Variants in EPHA6 observed in about 807,000 individuals in gnomAD.
EPHA6 encodes ephrin type-A receptor 6.
Under a neutral mutation model 112.0 loss-of-function variants are expected in EPHA6, and 50 were observed. That is an observed-to-expected ratio of 0.45 (90% CI 0.36 to 0.56). EPHA6 has a LOEUF of 0.56. Ranked by LOEUF, EPHA6 falls within the 20% of genes least tolerant of loss-of-function variation. The probability of loss-of-function intolerance (pLI) is 0.00; values close to 1 mark genes in which losing one functional copy is unlikely to be tolerated. For synonymous variants in EPHA6, 529 were observed against 490.7 expected, an observed-to-expected ratio of 1.08 and a Z score of -1.03; for missense variants, 1,280 against 1,417.4, an observed-to-expected ratio of 0.90 and a Z score of 1.56.
intron 13 of EPHA6, among the ~76,000 whole-genome samples, chr3:97,612,187 T>G (rs150080477): frequency 2.4e-4 from 37 of 152,200 alleles, no homozygotes; most frequent in African/African-American, 7.5e-4. Flanking sequence ...TTTAGAATAA[T>G]TTACAGGACC....
chr3:97,614,974 A>G (rs1016312170), intron 13 of EPHA6, among the ~76,000 whole-genome samples: 1 of 152,178 alleles, frequency 6.6e-6, no homozygotes, highest in Non-Finnish European at 1.5e-5. Flanking sequence ...GGGGACCAAG[A>G]TGGCTGACTA....
At chr3:96,882,399 A>G (rs1245883222) in intron 2 of EPHA6, among the ~76,000 whole-genome samples, 1 of 152,116 alleles carries the variant, frequency 6.6e-6, no homozygotes, top group Admixed American at 6.6e-5. Context: ...ATTTGGTTAC[A>G]TGCATGAGTA....
chr3:97,237,955 C>A lies in EPHA6; in HGVS notation c.1271-5997C>A, dbSNP rs376626560. Among the ~76,000 whole-genome samples, 84 of 151,958 alleles carry A rather than the reference C, an allele frequency of 5.5e-4. 1 individual carries two copies. In the South Asian group the frequency reaches 0.017, roughly 31 times the overall value. ...ATTTGTGTGATTATGTTTACTTTTACTATTGATCTGCATATCTATAATACA... is the reference window on the plus strand; with the variant it reads ...ATTTGTGTGATTATGTTTACTTTTAATATTGATCTGCATATCTATAATACA... On this transcript the variant is annotated intron_variant, in intron 4 of 17. Coordinates refer to ENST00000389672, the MANE Select transcript of EPHA6 (RefSeq NM_001080448.3).
chr3:97,246,897 G>T (rs1439028714), intron 5 of EPHA6, among the ~76,000 whole-genome samples: 1 of 151,914 alleles, frequency 6.6e-6, no homozygotes, highest in Non-Finnish European at 1.5e-5. Flanking sequence ...TATTCAATCT[G>T]TGGATGTATC....
At chr3:97,330,455 G>C (rs1416038269) in intron 5 of EPHA6, among the ~76,000 whole-genome samples, 1 of 152,100 alleles carries the variant, frequency 6.6e-6, no homozygotes, top group African/African-American at 2.4e-5. Flanking sequence ...CATGAGCATG[G>C]AATGTTCTTC....
Position 97,676,404 on chromosome 3 carries a change from G to A in EPHA6, c.2784+38322G>A, listed in dbSNP as rs571505687. ...GACCATTTGATTTAGCAACAAGAAC[G>A]TCATTGATGTATTTGAAGGCATAGA... On this transcript the variant is annotated intron_variant, in intron 14 of 17. Transcript: ENST00000389672. Among the ~76,000 whole-genome samples, 8 of 152,256 alleles carry A rather than the reference G, an allele frequency of 5.3e-5. No homozygotes were observed. In the East Asian group the frequency reaches 7.7e-4, roughly 15 times the overall value.
At chr3:97,154,398 T>C (rs2076242863) in intron 3 of EPHA6, among the ~76,000 whole-genome samples, 1 of 152,218 alleles carries the variant, frequency 6.6e-6, no homozygotes, top group Admixed American at 6.5e-5. Context: ...TACAAAGCGA[T>C]GTTTTGGTAT....
At chr3:96,816,820 A>G (rs1195009687) in intron 1 of EPHA6, among the ~76,000 whole-genome samples, 7 of 152,064 alleles carry the variant, frequency 4.6e-5, no homozygotes, top group African/African-American at 1.7e-4. Flanking sequence ...TCAGACATTC[A>G]TAGTAAATTT....
intron 3 of EPHA6, among the ~76,000 whole-genome samples, chr3:97,158,046 A>G (rs931874755): frequency 6.6e-6 from 1 of 152,174 alleles, no homozygotes; most frequent in African/African-American, 2.4e-5. Context: ...TAACAAGGTC[A>G]TGTTTCCTCC....
At chr3:97,682,646 C>T (rs2031952644) in intron 14 of EPHA6, among the ~76,000 whole-genome samples, 2 of 152,136 alleles carry the variant, frequency 1.3e-5, no homozygotes, top group South Asian at 4.2e-4. Flanking sequence ...CATTTGTGCT[C>T]AATTGAGGGT....
At chr3:96,942,249 G>A (rs1423088354) in intron 2 of EPHA6, among the ~76,000 whole-genome samples, 1 of 152,196 alleles carries the variant, frequency 6.6e-6, no homozygotes, top group Non-Finnish European at 1.5e-5. Flanking sequence ...TCCTTTAGCT[G>A]TGGTGGGCTC....
At chr3:97,174,979 T>C (rs2076797088) in intron 3 of EPHA6, among the ~76,000 whole-genome samples, 1 of 151,946 alleles carries the variant, frequency 6.6e-6, no homozygotes, top group Admixed American at 6.6e-5. Flanking sequence ...CCCAGACCAA[T>C]ATCCTGGAGA....
intron 14 of EPHA6, among the ~76,000 whole-genome samples, chr3:97,714,316 A>G (rs1423061545): frequency 6.6e-6 from 1 of 152,258 alleles, no homozygotes; most frequent in African/African-American, 2.4e-5. Flanking sequence ...AATGTTATCT[A>G]GAAGCCAAAA....
intron 11 of EPHA6, among the ~76,000 whole-genome samples, chr3:97,568,702 A>C (rs554293307): frequency 1.3e-5 from 2 of 152,232 alleles, no homozygotes; most frequent in South Asian, 4.1e-4. Flanking sequence ...CTACTCAAAT[A>C]TCTACTGTTA....
intron 11 of EPHA6, among the ~76,000 whole-genome samples, chr3:97,561,563 A>AT (rs2093192993): frequency 6.6e-6 from 1 of 152,050 alleles, no homozygotes; most frequent in Admixed American, 6.6e-5. Flanking sequence ...GCTACCAGAG[A>AT]TTGCTTTATG....
At position 97,449,643 on chromosome 3, in the gene EPHA6, T is replaced by A. The variant is rs188108714; in HGVS notation, c.1894+913T>A. ...AGTATTATTTTTGTAATTTTACCTA[T>A]AAGAAAATAGAAACCTAAAGGAGTT... On this transcript the variant is annotated intron_variant, in intron 7 of 17. Transcript: ENST00000389672. Among the ~76,000 whole-genome samples the A allele has an allele frequency of 1.2e-4, 18 of 152,188 alleles. No homozygotes were observed. In the East Asian group the frequency reaches 3.1e-3, roughly 26 times the overall value.
intron 6 of EPHA6, among the ~76,000 whole-genome samples, chr3:97,428,866 A>T (rs1283584669): frequency 6.6e-6 from 1 of 152,102 alleles, no homozygotes; most frequent in Non-Finnish European, 1.5e-5. Context: ...CCTGGCCAAG[A>T]CTTTCTCAGG....
chr3:97,112,940 G>T (rs2047768333), intron 3 of EPHA6, among the ~76,000 whole-genome samples: 1 of 151,908 alleles, frequency 6.6e-6, no homozygotes, highest in Non-Finnish European at 1.5e-5. Flanking sequence ...TTTCTATCAG[G>T]TCATGTTTGT....
chr3:97,432,484 G>A (rs1430432749), intron 6 of EPHA6, among the ~76,000 whole-genome samples: 1 of 152,118 alleles, frequency 6.6e-6, no homozygotes, highest in Non-Finnish European at 1.5e-5. Flanking sequence ...AAAGCATGCT[G>A]TGTCTCAGTA....
Sources: gnomAD v4.1 joint callset for allele counts (sites outside exome capture counted in the v4.1 genomes callset) on GRCh38, gnomAD v4.1.1 for gene constraint, MANE v1.5 for transcripts, NCBI Gene and HGNC (gene_info 2026-07-23, HGNC 2026-07-21) for gene names.